MRE11: variants seen among roughly 807,000 people sequenced by gnomAD.
MRE11 encodes the protein MRE11 double strand break repair nuclease.
MRE11 carries 62 observed loss-of-function variants against 91.7 expected under a neutral mutation model. The observed-to-expected ratio is 0.68, with a 90% confidence interval of 0.55 to 0.84. The LOEUF is 0.84. Among genes scored for constraint, MRE11 ranks in the 40% least tolerant of loss-of-function variants. The pLI is 0.00. For synonymous variants in MRE11, 273 were observed against 271.4 expected, an observed-to-expected ratio of 1.01 and a Z score of -0.06; for missense variants, 796 against 852.9, an observed-to-expected ratio of 0.93 and a Z score of 0.83.
At chr11:94,429,836 C>A (rs1012640346) in intron 19 of MRE11, 75 bp downstream of exon 19, 5 of 1,284,194 alleles carry the variant, frequency 3.9e-6, no homozygotes, top group African/African-American at 1.5e-5. Flanking sequence ...AAAAGTTCAG[C>A]AACTAGCTGG....
At chr11:94,421,758 T>C (rs1323308955) in intron 19 of MRE11, among the ~76,000 whole-genome samples, 1 of 152,226 alleles carries the variant, frequency 6.6e-6, no homozygotes, top group African/African-American at 2.4e-5. Context: ...GGCTACAACG[T>C]AGATAAACCT....
At chr11:94,505,071 AACCT>A in the MRE11 span, among the ~76,000 whole-genome samples, 1 of 152,244 alleles carries the variant, frequency 6.6e-6, no homozygotes, top group Non-Finnish European at 1.5e-5. Flanking sequence ...AATGTAAACA[AACCT>A]ACTGCACTGC....
upstream of MRE11, among the ~76,000 whole-genome samples, chr11:94,495,619 A>G (rs1947406885): frequency 6.6e-6 from 1 of 152,166 alleles, no homozygotes; most frequent in Admixed American, 6.5e-5. Flanking sequence ...CTTTTCTTTA[A>G]TTGATTAAGG....
intron 3 of MRE11, 81 bp downstream of exon 3, chr11:94,490,751 CA>C: frequency 6.5e-7 from 1 of 1,539,646 alleles, no homozygotes; most frequent in Non-Finnish European, 9.0e-7. Context: ...GCTTATAAAA[CA>C]AATCTCTAAC....
At chr11:94,432,786 A>C (rs1945499551) in intron 18 of MRE11, among the ~76,000 whole-genome samples, 1 of 152,222 alleles carries the variant, frequency 6.6e-6, no homozygotes, top group Non-Finnish European at 1.5e-5. Context: ...AGCCTGGGAG[A>C]CAGAGCGAGA....
the MRE11 span, among the ~76,000 whole-genome samples, chr11:94,507,927 A>C: frequency 6.6e-6 from 1 of 150,570 alleles, no homozygotes; most frequent in Non-Finnish European, 1.5e-5. Flanking sequence ...GCCTTTTCAC[A>C]CTCTTACTGG....
At chr11:94,486,900 C>T (rs1397268484) in intron 3 of MRE11, among the ~76,000 whole-genome samples, 3 of 152,098 alleles carry the variant, frequency 2.0e-5, no homozygotes, top group African/African-American at 7.2e-5. Flanking sequence ...AAGACGTATA[C>T]GATGCACCTA....
At chr11:94,430,115 C>T in intron 18 of MRE11, 129 bp from the exon 19 acceptor site, 1 of 903,284 alleles carries the variant, frequency 1.1e-6, no homozygotes, top group Non-Finnish European at 1.8e-6. Context: ...TTAAAATCTA[C>T]ATTAGCGGCA....
At chr11:94,456,233 G>C (rs1014821856) in intron 14 of MRE11, 43 bp downstream of exon 14, 2 of 1,558,700 alleles carry the variant, frequency 1.3e-6, no homozygotes, top group African/African-American at 1.4e-5. Context: ...TCTAGTTTAA[G>C]AAAGTGATAT....
At chr11:94,446,041 G>C in intron 15 of MRE11, 148 bp from the exon 16 acceptor site, 1 of 644,852 alleles carries the variant, frequency 1.6e-6, no homozygotes, top group Non-Finnish European at 2.8e-6. Context: ...AACATCTAGA[G>C]TCTGACCAAT....
chr11:94,466,643 A>AT, intron 10 of MRE11: 1 of 364,286 alleles, frequency 2.7e-6, no homozygotes. Flanking sequence ...GGCCAGAATG[A>AT]AGCTCAGGAA....
rs533129389 is a variant in MRE11, at chr11:94,447,888, C to T, written c.1564-450G>A. 3.3e-5 allele frequency among the ~76,000 whole-genome samples: 5 copies of T among 151,730 alleles called. No individual in the cohort carries two copies. In the East Asian group the frequency reaches 9.7e-4, roughly 29 times the overall value. On this transcript the variant is annotated intron_variant, in intron 14 of 19. Coordinates refer to ENST00000323929, the MANE Select transcript of MRE11 (RefSeq NM_005591.4). Reference sequence around the variant, plus strand: ...TTATATATGTGTAAAGGAGAACCTCCCCACCAATCAAATTTAATACTTATT... The same window carrying T: ...TTATATATGTGTAAAGGAGAACCTCTCCACCAATCAAATTTAATACTTATT...
chr11:94,506,165 T>C, the MRE11 span, among the ~76,000 whole-genome samples: 2 of 152,046 alleles, frequency 1.3e-5, no homozygotes, highest in Non-Finnish European at 2.9e-5. Flanking sequence ...TTTTTCATTC[T>C]GTTTTTGTTG....
chr11:94,420,600 A>G (rs988939004), intron 19 of MRE11, among the ~76,000 whole-genome samples: 4 of 152,228 alleles, frequency 2.6e-5, no homozygotes, highest in African/African-American at 9.6e-5. Flanking sequence ...ACTCAGAAAC[A>G]GCTGTAATTT....
At position 94,418,224 on chromosome 11, in the gene MRE11, C is replaced by G; in HGVS notation, c.*1901G>C. On this transcript the variant is annotated 3_prime_UTR_variant, in exon 20 of 20. Coordinates refer to ENST00000323929, the MANE Select transcript of MRE11 (RefSeq NM_005591.4). ...CAATCAAAAAAAGGTTTCCCTGTCA[C>G]GTTTTATTTACCATATTTTCAGGGC... is the stretch of plus-strand genomic sequence containing the variant. 1 of 233,010 alleles carries G rather than the reference C, an allele frequency of 4.3e-6. No homozygotes were observed. The highest frequency in any genetic ancestry group is 6.1e-5 in the East Asian group (1 of 16,520). 14.4% of individuals were successfully genotyped at this position (233,010 alleles called of 1,614,324 possible). A position where few individuals can be genotyped will look rare whatever the true frequency, so the allele number is the denominator to read the frequency against.
chr11:94,461,247 T>C (rs766045273), intron 11 of MRE11, among the ~76,000 whole-genome samples: 2 of 152,216 alleles, frequency 1.3e-5, no homozygotes, highest in Non-Finnish European at 2.9e-5. Context: ...ACCTCCAGGA[T>C]AGGTGTCTTG....
In MRE11 at chr11:94,441,594, T is replaced by C. The variant is rs144889727; in HGVS notation, c.1867+4216A>G. Among the ~76,000 whole-genome samples, 43 of 152,290 alleles carry C rather than the reference T, an allele frequency of 2.8e-4. 1 individual carries two copies. In the East Asian group the frequency reaches 4.2e-3, roughly 15 times the overall value. On this transcript the variant is annotated intron_variant, in intron 16 of 19. Transcript: ENST00000323929. ...TTAGATACAAAATAAAAGAAGTCCT[T>C]ACTGTGTACACACGAAAAATTAAAA...
intron 4 of MRE11, among the ~76,000 whole-genome samples, chr11:94,483,329 G>A (rs1385841688): frequency 6.6e-6 from 1 of 152,138 alleles, no homozygotes; most frequent in East Asian, 1.9e-4. Context: ...AATTAGCTGG[G>A]TGTGGTGGCT....
In MRE11 at chr11:94,419,465, G is replaced by GGAGAGAGAGAGA. The variant is rs201800515; in HGVS notation, c.*648_*659dup. The GGAGAGAGAGAGA allele has an allele frequency of 8.2e-3, 1,784 of 216,286 alleles. 37 individuals carry two copies. The highest frequency in any genetic ancestry group is 0.04 in the African/African-American group (1,607 of 40,590). 13.4% of individuals were successfully genotyped at this position (216,286 alleles called of 1,614,324 possible). On this transcript the variant is annotated 3_prime_UTR_variant, in exon 20 of 20. Coordinates refer to ENST00000323929, the MANE Select transcript of MRE11 (RefSeq NM_005591.4). ...GAAGAGTGGGGAACGGGGGGGAGAG[G>GGAGAGAGAGAGA]GAGAGAGAGAGAGAGAGAGAGAGAG...
Sources: gnomAD v4.1 joint callset for allele counts (sites outside exome capture counted in the v4.1 genomes callset) on GRCh38, gnomAD v4.1.1 for gene constraint, MANE v1.5 for transcripts, NCBI Gene and HGNC (gene_info 2026-07-23, HGNC 2026-07-21) for gene names.